The following TXNRD1 variants were observed in gnomAD, a reference collection of about 807,000 sequenced individuals.
TXNRD1 encodes thioredoxin reductase 1, cytoplasmic.
TXNRD1 carries 57 observed loss-of-function variants against 80.3 expected under a neutral mutation model. That is an observed-to-expected ratio of 0.71 (90% CI 0.57 to 0.89). The LOEUF (loss-of-function observed/expected upper bound fraction) is 0.89, where lower values mean the gene tolerates loss of function less well. Ranked by LOEUF, TXNRD1 falls within the 40% of genes least tolerant of loss-of-function variation. The pLI is 0.00. For synonymous variants in TXNRD1, 291 were observed against 285.2 expected (o/e 1.02, Z -0.20); for missense variants, 730 against 803.0 (o/e 0.91, Z 1.10).
intron 3 of TXNRD1, chr12:104,265,893 GAAAA>G (rs34390973): frequency 5.8e-3 from 3,303 of 569,422 alleles, no homozygotes; most frequent in South Asian, 8.9e-3. Flanking sequence ...CGCCCCGGTG[GAAAA>G]AAAAAAAAAA....
intron 6 of TXNRD1, among the ~76,000 whole-genome samples, chr12:104,314,450 A>G (rs2035244039): frequency 6.6e-6 from 1 of 152,146 alleles, no homozygotes; most frequent in Non-Finnish European, 1.5e-5. Context: ...TACTAGGTAT[A>G]TCCCTTCTGA....
At chr12:104,344,099 T>TG (rs762462314) in intron 16 of TXNRD1, among the ~76,000 whole-genome samples, 27 of 147,728 alleles carry the variant, frequency 1.8e-4, no homozygotes, top group Admixed American at 6.8e-4. Flanking sequence ...CTATCTCAAA[T>TG]AAAAAAAAAA....
At chr12:104,274,051 C>T (rs2135727944) in intron 3 of TXNRD1, among the ~76,000 whole-genome samples, 1 of 151,994 alleles carries the variant, frequency 6.6e-6, no homozygotes, top group African/African-American at 2.4e-5. Flanking sequence ...GACTCCATCT[C>T]AAAAACAAAA....
At chr12:104,337,729 T>C (rs985952205) in intron 15 of TXNRD1, among the ~76,000 whole-genome samples, 1 of 151,988 alleles carries the variant, frequency 6.6e-6, no homozygotes, top group Non-Finnish European at 1.5e-5. Flanking sequence ...TTTCAGACTT[T>C]AATGGTCTTG....
At chr12:104,246,876 A>C (rs956338792) in intron 1 of TXNRD1, among the ~76,000 whole-genome samples, 1 of 152,046 alleles carries the variant, frequency 6.6e-6, no homozygotes, top group Non-Finnish European at 1.5e-5. Context: ...TTTCTGGTCT[A>C]TCTAATCTCT....
chr12:104,301,626 C>A (rs2034630099), intron 4 of TXNRD1, among the ~76,000 whole-genome samples: 2 of 152,326 alleles, frequency 1.3e-5, no homozygotes, highest in East Asian at 1.9e-4. Flanking sequence ...CGTGAGCCAC[C>A]GTGCCCGGCT....
intron 4 of TXNRD1, among the ~76,000 whole-genome samples, chr12:104,301,923 T>G (rs1480375964): frequency 6.6e-6 from 1 of 152,204 alleles, no homozygotes; most frequent in African/African-American, 2.4e-5. Flanking sequence ...TAGGATTAAT[T>G]CCACGAATCT....
chr12:104,256,562 C>T (rs1593714628), intron 2 of TXNRD1, among the ~76,000 whole-genome samples: 1 of 152,002 alleles, frequency 6.6e-6, no homozygotes, highest in East Asian at 1.9e-4. Flanking sequence ...GGGCAGATCA[C>T]GAGGTCAGGA....
chr12:104,340,341 G>T (rs1437244751), intron 16 of TXNRD1, among the ~76,000 whole-genome samples: 1 of 152,158 alleles, frequency 6.6e-6, no homozygotes, highest in African/African-American at 2.4e-5. Flanking sequence ...GACTCAAACT[G>T]CCTGTGTTGG....
chr12:104,238,545 G>A (rs2032787972), intron 1 of TXNRD1, among the ~76,000 whole-genome samples: 1 of 152,062 alleles, frequency 6.6e-6, no homozygotes, highest in Admixed American at 6.5e-5. Context: ...ACCTTTATCA[G>A]GTAGAAAAGT....
At chr12:104,254,777 C>T (rs1051202709) in intron 2 of TXNRD1, among the ~76,000 whole-genome samples, 1 of 142,170 alleles carries the variant, frequency 7.0e-6, no homozygotes, top group African/African-American at 2.5e-5. Flanking sequence ...TACCACTGCA[C>T]GCCAGCCTTG....
intron 16 of TXNRD1, among the ~76,000 whole-genome samples, chr12:104,344,814 A>G (rs1382566689): frequency 6.6e-6 from 1 of 152,220 alleles, no homozygotes; most frequent in African/African-American, 2.4e-5. Flanking sequence ...GGTCAACAGT[A>G]TGGAGGTTCC....
intron 4 of TXNRD1, chr12:104,303,826 G>T (rs534870248): frequency 1.4e-6 from 2 of 1,423,444 alleles, no homozygotes; most frequent in African/African-American, 2.9e-5. Context: ...CCGGCATGTT[G>T]GTTGAAAAAG....
intron 16 of TXNRD1, among the ~76,000 whole-genome samples, chr12:104,340,786 C>A (rs2036296844): frequency 6.6e-6 from 1 of 152,142 alleles, no homozygotes. Flanking sequence ...TTCACAAATA[C>A]TGGGGGTTAC....
chr12:104,305,638 TTTATGGAAAAACTA>T (rs1473851887), intron 4 of TXNRD1, among the ~76,000 whole-genome samples: 1 of 152,198 alleles, frequency 6.6e-6, no homozygotes, highest in African/African-American at 2.4e-5. Context: ...GACCATTAGA[TTTATGGAAAAACTA>T]TTATATTTGA....
At chr12:104,264,486 T>C (rs2033433161) in intron 3 of TXNRD1, among the ~76,000 whole-genome samples, 1 of 152,228 alleles carries the variant, frequency 6.6e-6, no homozygotes, top group Non-Finnish European at 1.5e-5. Context: ...CAAAATATTC[T>C]TTAAGCATTT....
intron 4 of TXNRD1, chr12:104,310,015 A>T: frequency 6.5e-7 from 1 of 1,535,870 alleles, no homozygotes; most frequent in Non-Finnish European, 8.7e-7. Context: ...CATCCCAAGA[A>T]CCTTCTTCTT....
chr12:104,304,882 C>T, intron 4 of TXNRD1: 1 of 1,612,014 alleles, frequency 6.2e-7, no homozygotes, highest in South Asian at 1.1e-5. Flanking sequence ...AGTGGAAAAA[C>T]ATTGTGGCAG....
At chr12:104,346,820 C>T (rs1471129470) in intron 16 of TXNRD1, among the ~76,000 whole-genome samples, 1 of 152,178 alleles carries the variant, frequency 6.6e-6, no homozygotes, top group African/African-American at 2.4e-5. Context: ...ATTGGCCAGG[C>T]ACAGTGGCTC....
Sources: gnomAD v4.1 joint callset for allele counts (sites outside exome capture counted in the v4.1 genomes callset) on GRCh38, gnomAD v4.1.1 for gene constraint, MANE v1.5 for transcripts, NCBI Gene and HGNC (gene_info 2026-07-23, HGNC 2026-07-21) for gene names.